Variants in KCNJ6 observed in about 807,000 individuals in gnomAD.
KCNJ6 encodes G protein-activated inward rectifier potassium channel 2.
A neutral mutation model predicts 34.2 loss-of-function variants in KCNJ6; 9 were observed. The observed-to-expected ratio is 0.26, with a 90% CI of 0.16 to 0.46. KCNJ6 has a LOEUF of 0.46. Ranked by LOEUF, KCNJ6 falls within the 20% of genes least tolerant of loss-of-function variation. KCNJ6 has a pLI of 1.00. For missense variants in KCNJ6, 236 were observed against 531.3 expected, an observed-to-expected ratio of 0.44 and a Z score of 5.46; for synonymous variants, 196 against 207.1, an observed-to-expected ratio of 0.95 and a Z score of 0.46.
chr21:37,651,214 C>T (rs923105270), intron 3 of KCNJ6, among the ~76,000 whole-genome samples: 3 of 151,968 alleles, frequency 2.0e-5, no homozygotes, highest in Non-Finnish European at 4.4e-5. Flanking sequence ...GAAGGGTATC[C>T]CTGGACTGAA....
At chr21:37,867,740 G>A (rs978817652) in intron 1 of KCNJ6, among the ~76,000 whole-genome samples, 2 of 152,160 alleles carry the variant, frequency 1.3e-5, no homozygotes, top group African/African-American at 4.8e-5. Context: ...AATAACAGAA[G>A]GTTACACGGT....
intron 2 of KCNJ6, among the ~76,000 whole-genome samples, chr21:37,737,086 A>G (rs1000494108): frequency 1.3e-5 from 2 of 152,000 alleles, no homozygotes; most frequent in African/African-American, 2.4e-5. Context: ...TTGTACTGAT[A>G]TGTTACGGGG....
intron 2 of KCNJ6, among the ~76,000 whole-genome samples, chr21:37,831,962 T>C (rs2055428255): frequency 6.6e-6 from 1 of 152,092 alleles, no homozygotes; most frequent in Non-Finnish European, 1.5e-5. Context: ...GGCACACTGA[T>C]GGACAGCTGA....
chr21:37,626,385 C>G (rs571124750), intron 3 of KCNJ6, among the ~76,000 whole-genome samples: 12 of 152,304 alleles, frequency 7.9e-5, no homozygotes, highest in Admixed American at 4.6e-4. Context: ...CCGCCTGCCT[C>G]AGCCTCCCAA....
intron 2 of KCNJ6, among the ~76,000 whole-genome samples, chr21:37,792,048 T>C (rs895384763): frequency 2.0e-5 from 3 of 152,256 alleles, no homozygotes; most frequent in Non-Finnish European, 2.9e-5. Context: ...ACTTTCTCCA[T>C]CAGCGGTCCA....
chr21:37,910,124 C>A (rs1421181873), intron 1 of KCNJ6, among the ~76,000 whole-genome samples: 1 of 152,158 alleles, frequency 6.6e-6, no homozygotes, highest in African/African-American at 2.4e-5. Context: ...AGGAGCAGAG[C>A]CACAGCTGAC....
chr21:37,655,231 GAGAGAGAGAGA>G (rs2054456777), intron 3 of KCNJ6, among the ~76,000 whole-genome samples: 3 of 1,766 alleles, frequency 1.7e-3, no homozygotes, highest in African/African-American at 9.6e-3. Context: ...GTGTGAGAGA[GAGAGAGAGAGA>G]GAGAGAGAGA....
At chr21:37,774,182 G>C (rs374539189) in intron 2 of KCNJ6, among the ~76,000 whole-genome samples, 2 of 152,048 alleles carry the variant, frequency 1.3e-5, no homozygotes, top group African/African-American at 4.8e-5. Flanking sequence ...CTAACTGCTC[G>C]ACCTCAGGTA....
chr21:37,701,575 T>TAGCAATG, intron 3 of KCNJ6, among the ~76,000 whole-genome samples: 1 of 152,296 alleles, frequency 6.6e-6, no homozygotes, highest in South Asian at 2.1e-4. Context: ...ACTGAGAGGA[T>TAGCAATG]AGCAATGAGC....
intron 2 of KCNJ6, among the ~76,000 whole-genome samples, chr21:37,741,066 T>C (rs766260097): frequency 6.6e-6 from 1 of 152,246 alleles, no homozygotes; most frequent in Non-Finnish European, 1.5e-5. Flanking sequence ...GCTCCCTATA[T>C]GTAGATGACT....
chr21:37,848,372 A>C (rs2055520733), intron 1 of KCNJ6, among the ~76,000 whole-genome samples: 1 of 152,204 alleles, frequency 6.6e-6, no homozygotes, highest in Non-Finnish European at 1.5e-5. Context: ...ATAATCTGAA[A>C]TTTTCACAAT....
At chr21:37,806,589 G>A (rs988083400) in intron 2 of KCNJ6, among the ~76,000 whole-genome samples, 4 of 152,164 alleles carry the variant, frequency 2.6e-5, no homozygotes, top group African/African-American at 9.7e-5. Context: ...TCAGGAGGAC[G>A]TTTCAAGTTT....
intron 2 of KCNJ6, among the ~76,000 whole-genome samples, chr21:37,735,885 G>A (rs555752717): frequency 6.6e-6 from 1 of 152,310 alleles, no homozygotes; most frequent in Admixed American, 6.5e-5. Flanking sequence ...TCCTTGAAAG[G>A]TTTCCTAAGG....
rs550751152 is a variant in KCNJ6 at position 37,679,281 on chromosome 21, A to C, written c.946+34930T>G. Among the ~76,000 whole-genome samples, 10 of 152,330 alleles carry C rather than the reference A, an allele frequency of 6.6e-5. No individual in the cohort carries two copies. The South Asian group carries it at 8.3e-4, about 13-fold the overall frequency. ...ATTCTAGATCTACAGAAGCTGTGAG[A>C]CAATAAGTGTTGGTTGTTTTCAGCC... On this transcript the variant is annotated intron_variant, in intron 3 of 3. Coordinates refer to ENST00000609713, the MANE Select transcript of KCNJ6 (RefSeq NM_002240.5).
chr21:37,661,068 C>G (rs2054486041), intron 3 of KCNJ6, among the ~76,000 whole-genome samples: 1 of 152,060 alleles, frequency 6.6e-6, no homozygotes, highest in Non-Finnish European at 1.5e-5. Context: ...ACTTTTTTTG[C>G]AAGGGTCTAT....
chr21:37,890,868 T>G lies in KCNJ6; in HGVS notation c.-28+25016A>C, dbSNP rs146465435. On this transcript the variant is annotated intron_variant, in intron 1 of 3. Transcript: ENST00000609713. ...CAAACAAAACAAGCCCCAGTGAAGC[T>G]GTAGCCTACTGTGGGTTTCCAAAAA... 9.3e-4 allele frequency among the ~76,000 whole-genome samples: 141 copies of G among 152,310 alleles called. 5 individuals are homozygous for G. In the East Asian group the frequency reaches 0.024, roughly 26 times the overall value.
chr21:37,846,781 A>G (rs1023676193), intron 1 of KCNJ6, among the ~76,000 whole-genome samples: 4 of 152,180 alleles, frequency 2.6e-5, no homozygotes, highest in Non-Finnish European at 5.9e-5. Flanking sequence ...TGAACTTAGT[A>G]TCCTCAACAG....
chr21:37,766,823 C>T (rs2055093833), intron 2 of KCNJ6, among the ~76,000 whole-genome samples: 1 of 152,210 alleles, frequency 6.6e-6, no homozygotes, highest in Admixed American at 6.5e-5. Context: ...AGCTCCACCT[C>T]CTGTCAGATC....
rs998361692 is a variant in KCNJ6 at position 37,614,508 on chromosome 21, CTCTG to C, written c.*10647_*10650del. On this transcript the variant is annotated 3_prime_UTR_variant, in exon 4 of 4. Coordinates refer to ENST00000609713, the MANE Select transcript of KCNJ6 (RefSeq NM_002240.5). ...TGTCTGTGTGCGTGTATGCATGTGT[CTCTG>C]TATGCATGTGTGTATGCATGTCTCT... 3.4e-4 allele frequency: 11 copies of C among 32,774 alleles called. No homozygotes were observed. Among genetic ancestry groups the C allele is most frequent in the African/African-American group, 6.3e-4 (9 of 14,312 alleles). 2.0% of individuals were successfully genotyped at this position (32,774 alleles called of 1,614,324 possible). A position where few individuals can be genotyped will look rare whatever the true frequency, so the allele number is the denominator to read the frequency against.
Sources: gnomAD v4.1 joint callset for allele counts (sites outside exome capture counted in the v4.1 genomes callset) on GRCh38, gnomAD v4.1.1 for gene constraint, MANE v1.5 for transcripts, NCBI Gene and HGNC (gene_info 2026-07-23, HGNC 2026-07-21) for gene names.